ST6GAL1: variants seen among roughly 807,000 people sequenced by gnomAD.
The protein encoded by ST6GAL1 is ST6 beta-galactoside alpha-2,6-sialyltransferase 1, also known as beta-galactoside alpha-2,6-sialyltransferase 1.
In ST6GAL1, 20 loss-of-function variants were observed where a neutral mutation model predicts 38.0. That is an observed-to-expected ratio of 0.53 (90% CI 0.37 to 0.77). ST6GAL1 has a LOEUF of 0.77. Ranked by LOEUF, ST6GAL1 falls within the 30% of genes least tolerant of loss-of-function variation. The pLI is 0.00. For missense variants in ST6GAL1, 432 were observed against 496.4 expected (o/e 0.87, Z 1.23); for synonymous variants, 196 against 188.2 (o/e 1.04, Z -0.34).
chr3:187,034,217 A>T (rs1717851881), intron 2 of ST6GAL1, among the ~76,000 whole-genome samples: 1 of 152,206 alleles, frequency 6.6e-6, no homozygotes, highest in Non-Finnish European at 1.5e-5. Context: ...GAAGAAATTG[A>T]AACCTGAACA....
chr3:187,011,861 T>C (rs918654779), intron 2 of ST6GAL1, among the ~76,000 whole-genome samples: 1 of 152,216 alleles, frequency 6.6e-6, no homozygotes, highest in African/African-American at 2.4e-5. Flanking sequence ...AAATTGCTAA[T>C]GGTATTTATT....
At chr3:187,060,306 G>A (rs866949781) in intron 5 of ST6GAL1, among the ~76,000 whole-genome samples, 4 of 152,042 alleles carry the variant, frequency 2.6e-5, no homozygotes, top group Non-Finnish European at 5.9e-5. Context: ...GATTACAGGC[G>A]CCCACAACCA....
intron 1 of ST6GAL1, among the ~76,000 whole-genome samples, chr3:186,934,844 G>A (rs1047077486): frequency 4.3e-4 from 65 of 151,954 alleles, no homozygotes; most frequent in African/African-American, 1.5e-3. Flanking sequence ...TCGGCTCACT[G>A]CAAGCTCCGC....
chr3:186,940,393 A>G (rs994525492), intron 1 of ST6GAL1, among the ~76,000 whole-genome samples: 2 of 152,068 alleles, frequency 1.3e-5, no homozygotes, highest in Non-Finnish European at 2.9e-5. Flanking sequence ...TTGCAGTTTG[A>G]TGTCTGTCCT....
chr3:186,947,447 T>C (rs959291889), intron 1 of ST6GAL1, among the ~76,000 whole-genome samples: 3 of 152,206 alleles, frequency 2.0e-5, no homozygotes, highest in Non-Finnish European at 2.9e-5. Context: ...TGATTTGTGG[T>C]GCACAGAGAC....
chr3:187,074,756 G>A (rs1035937566), intron 7 of ST6GAL1, among the ~76,000 whole-genome samples: 4 of 151,990 alleles, frequency 2.6e-5, no homozygotes, highest in Admixed American at 6.6e-5. Flanking sequence ...AATGAGGAGC[G>A]GGGCTGCACC....
chr3:187,041,786 G>A (rs1718131377), intron 3 of ST6GAL1: 1 of 152,240 alleles, frequency 6.6e-6, no homozygotes, highest in Non-Finnish European at 1.5e-5. Flanking sequence ...CAGGTTAGGA[G>A]ATGCCCTTCG....
At chr3:186,972,129 A>C (rs902860848) in intron 2 of ST6GAL1, among the ~76,000 whole-genome samples, 3 of 152,214 alleles carry the variant, frequency 2.0e-5, no homozygotes, top group Non-Finnish European at 2.9e-5. Context: ...CCATTTTATA[A>C]ATGAGGAAAC....
chr3:187,018,186 TG>T (rs1344845381), intron 2 of ST6GAL1, among the ~76,000 whole-genome samples: 2 of 152,178 alleles, frequency 1.3e-5, no homozygotes, highest in African/African-American at 4.8e-5. Context: ...AATTTTACAT[TG>T]TTTTTTTCCT....
At chr3:186,960,434 G>T (rs532425377) in intron 1 of ST6GAL1, among the ~76,000 whole-genome samples, 3 of 152,358 alleles carry the variant, frequency 2.0e-5, no homozygotes, top group East Asian at 1.9e-4. Flanking sequence ...CGAGAGGAAA[G>T]TAGAGAGACC....
intron 2 of ST6GAL1, among the ~76,000 whole-genome samples, chr3:186,988,238 A>C (rs1285837608): frequency 1.3e-5 from 2 of 152,136 alleles, no homozygotes; most frequent in African/African-American, 4.8e-5. Context: ...TGTGGACTGG[A>C]TGATGGTTCA....
chr3:186,959,051 A>G (rs1036255731), intron 1 of ST6GAL1, among the ~76,000 whole-genome samples: 2 of 152,162 alleles, frequency 1.3e-5, no homozygotes, highest in Non-Finnish European at 2.9e-5. Flanking sequence ...ATTGGCACCT[A>G]AAATAGGCAC....
At chr3:186,935,950 C>T (rs1473425014) in intron 1 of ST6GAL1, among the ~76,000 whole-genome samples, 3 of 151,712 alleles carry the variant, frequency 2.0e-5, no homozygotes. Context: ...TCAAGTCATT[C>T]TATTTATGTA....
rs575688229 is a variant in ST6GAL1, at chr3:186,955,116, G to A, written c.-324-8669G>A. Among the ~76,000 whole-genome samples, 143 of 152,270 alleles carry A rather than the reference G, an allele frequency of 9.4e-4. 4 individuals carry two copies. In the South Asian group the frequency reaches 0.027, roughly 29 times the overall value. ...CTTTTCCCATTGCTAGTTTTTGTCA[G>A]GTGTGGCAAAGATCAGATGGTTATA... On this transcript the variant is annotated intron_variant, in intron 1 of 7. Coordinates refer to ENST00000169298, the MANE Select transcript of ST6GAL1 (RefSeq NM_173216.2).
chr3:187,051,451 C>A, intron 5 of ST6GAL1, 105 bp downstream of exon 5: 1 of 969,372 alleles, frequency 1.0e-6, no homozygotes, highest in East Asian at 2.6e-5. Context: ...AATTAAGTCT[C>A]TTGATCTTCC....
intron 5 of ST6GAL1, among the ~76,000 whole-genome samples, chr3:187,058,736 G>C (rs757794366): frequency 6.6e-6 from 1 of 151,802 alleles, no homozygotes; most frequent in South Asian, 2.1e-4. Context: ...CCTTTTCCTG[G>C]GTTCAAGCGA....
At chr3:187,038,902 C>T (rs931537856) in intron 3 of ST6GAL1, 29 bp downstream of exon 3, 1 of 152,230 alleles carries the variant, frequency 6.6e-6, no homozygotes, top group Admixed American at 6.5e-5. Flanking sequence ...CATGGGCTAG[C>T]AAAGGGGTAC....
intron 3 of ST6GAL1, among the ~76,000 whole-genome samples, chr3:187,040,275 G>T (rs761317227): frequency 6.6e-6 from 1 of 152,232 alleles, no homozygotes; most frequent in Non-Finnish European, 1.5e-5. Context: ...TTACCACTCA[G>T]TGCACAGCAG....
chr3:187,012,161 A>C (rs187613399), intron 2 of ST6GAL1, among the ~76,000 whole-genome samples: 11 of 152,330 alleles, frequency 7.2e-5, no homozygotes, highest in Admixed American at 2.6e-4. Context: ...AGAGCAGCCA[A>C]AACAGAAACG....
Sources: allele counts gnomAD v4.1 joint callset (sites outside exome capture counted in the v4.1 genomes callset), GRCh38; gene constraint gnomAD v4.1.1; transcripts MANE v1.5; gene names NCBI Gene and HGNC (gene_info 2026-07-23, HGNC 2026-07-21).